Variants in SPOCK3 observed in about 807,000 individuals in gnomAD.
The protein encoded by SPOCK3 is SPARC (osteonectin), cwcv and kazal like domains proteoglycan 3, also known as testican-3.
A neutral mutation model predicts 56.6 loss-of-function variants in SPOCK3; 30 were observed. That is an observed-to-expected ratio of 0.53 (90% CI 0.40 to 0.72). The LOEUF (loss-of-function observed/expected upper bound fraction) is 0.72. SPOCK3 is among the 30% of genes least tolerant of loss of function. The pLI is 0.00. For synonymous variants in SPOCK3, 196 were observed against 183.3 expected, an observed-to-expected ratio of 1.07 and a Z score of -0.56; for missense variants, 527 against 530.0, an observed-to-expected ratio of 0.99 and a Z score of 0.06.
rs1224461088 is a variant in SPOCK3, at chr4:166,863,614, C to CA, written c.589+25515dup. ...GAATATTTACCAAGCAAATGGAAAG[C>CA]AAAAAAAAAGCAGGGGTTGCAATCC... On this transcript the variant is annotated intron_variant, in intron 6 of 10. Coordinates refer to ENST00000357545, the MANE Select transcript of SPOCK3 (RefSeq NM_001040159.2). 2.7e-3 allele frequency among the ~76,000 whole-genome samples: 401 copies of CA among 148,942 alleles called. 2 individuals carry two copies. Among genetic ancestry groups the CA allele is most frequent in the African/African-American group, 8.9e-3 (363 of 40,688 alleles).
At chr4:167,147,151 T>C (rs1764031384) in intron 2 of SPOCK3, among the ~76,000 whole-genome samples, 1 of 152,018 alleles carries the variant, frequency 6.6e-6, no homozygotes, top group African/African-American at 2.4e-5. Flanking sequence ...TCCACAGAAA[T>C]ACAAACTACC....
At chr4:166,951,846 A>C (rs1166844906) in intron 4 of SPOCK3, among the ~76,000 whole-genome samples, 1 of 152,082 alleles carries the variant, frequency 6.6e-6, no homozygotes, top group African/African-American at 2.4e-5. Context: ...TGATTATCTC[A>C]ATAGATGCAG....
intron 2 of SPOCK3, among the ~76,000 whole-genome samples, chr4:167,063,647 T>C (rs1302629288): frequency 6.6e-6 from 1 of 151,894 alleles, no homozygotes; most frequent in Non-Finnish European, 1.5e-5. Context: ...ATTGTTCCCA[T>C]TAAGTAATTT....
At chr4:166,851,812 A>G (rs982870410) in intron 6 of SPOCK3, among the ~76,000 whole-genome samples, 5 of 152,046 alleles carry the variant, frequency 3.3e-5, no homozygotes, top group Non-Finnish European at 5.9e-5. Flanking sequence ...TACCCAAAAG[A>G]CTATAAATCA....
intron 2 of SPOCK3, among the ~76,000 whole-genome samples, chr4:167,164,097 A>C (rs1320436937): frequency 6.6e-6 from 1 of 152,116 alleles, no homozygotes; most frequent in Non-Finnish European, 1.5e-5. Context: ...ACCCAGAAAA[A>C]ACAAAACTAT....
chr4:166,807,832 A>G (rs575525845), intron 6 of SPOCK3, among the ~76,000 whole-genome samples: 3 of 152,222 alleles, frequency 2.0e-5, no homozygotes, highest in Non-Finnish European at 4.4e-5. Context: ...TTTGAGTTAC[A>G]TAATATTTTC....
intron 2 of SPOCK3, among the ~76,000 whole-genome samples, chr4:167,073,383 T>G (rs1756876898): frequency 6.6e-6 from 1 of 151,772 alleles, no homozygotes; most frequent in African/African-American, 2.4e-5. Context: ...TAAATAACGG[T>G]CATCATAAAT....
At chr4:167,112,769 G>A (rs1471663465) in intron 2 of SPOCK3, among the ~76,000 whole-genome samples, 2 of 151,710 alleles carry the variant, frequency 1.3e-5, no homozygotes, top group South Asian at 2.1e-4. Context: ...AATACCATGG[G>A]GTGTCATCAA....
chr4:167,232,034 T>C (rs1737230179), intron 2 of SPOCK3, among the ~76,000 whole-genome samples: 2 of 143,952 alleles, frequency 1.4e-5, no homozygotes, highest in Admixed American at 7.0e-5. Flanking sequence ...ACTTTTTCCT[T>C]GAGATCCTAG....
rs759143314 is a variant in SPOCK3, at chr4:167,188,090, C to T, written c.189+45895G>A. ...AGAAAGAATATTGAGAAAAATCCCA[C>T]GATAATCCAGATAGTGCAAAGTAGT... is the stretch of plus-strand genomic sequence containing the variant. On this transcript the variant is annotated intron_variant, in intron 2 of 10. Transcript: ENST00000357545. 2.5e-4 allele frequency among the ~76,000 whole-genome samples: 29 copies of T among 117,708 alleles called. 3 individuals are homozygous for T. The highest frequency in any genetic ancestry group is 5.9e-4 in the African/African-American group (16 of 27,134). The allele number at this position is 117,708 out of a possible 152,430, so 77.2% of individuals were successfully genotyped here.
At chr4:166,981,766 G>A (rs139657817) in intron 4 of SPOCK3, among the ~76,000 whole-genome samples, 1 of 152,212 alleles carries the variant, frequency 6.6e-6, no homozygotes, top group African/African-American at 2.4e-5. Context: ...TGTCATCCAT[G>A]GCACCCTGGC....
At chr4:167,164,782 T>C (rs1490585139) in intron 2 of SPOCK3, among the ~76,000 whole-genome samples, 2 of 152,208 alleles carry the variant, frequency 1.3e-5, no homozygotes, top group African/African-American at 4.8e-5. Flanking sequence ...TCCTTTTTTA[T>C]GGCTACACAG....
chr4:167,053,451 C>T (rs956701727), intron 3 of SPOCK3, among the ~76,000 whole-genome samples: 2 of 152,036 alleles, frequency 1.3e-5, no homozygotes, highest in African/African-American at 4.8e-5. Context: ...CTTTGGGAGG[C>T]CGAGGGGCAG....
intron 3 of SPOCK3, among the ~76,000 whole-genome samples, chr4:167,052,068 T>A (rs1341299349): frequency 6.6e-6 from 1 of 152,184 alleles, no homozygotes; most frequent in Non-Finnish European, 1.5e-5. Context: ...ACCTTATGAA[T>A]TAAAAACACA....
intron 2 of SPOCK3, among the ~76,000 whole-genome samples, chr4:167,213,371 C>T (rs2111045468): frequency 6.6e-6 from 1 of 152,218 alleles, no homozygotes; most frequent in South Asian, 2.1e-4. Context: ...TAAATCTTTT[C>T]TGCTATTTGA....
At chr4:167,033,692 G>T (rs1752481331) in intron 3 of SPOCK3, among the ~76,000 whole-genome samples, 1 of 151,804 alleles carries the variant, frequency 6.6e-6, no homozygotes, top group Admixed American at 6.6e-5. Flanking sequence ...AGGATGCTCA[G>T]GGAATCTTCC....
chr4:166,940,833 T>C (rs1477120808), intron 4 of SPOCK3, among the ~76,000 whole-genome samples: 1 of 145,082 alleles, frequency 6.9e-6, no homozygotes, highest in Non-Finnish European at 1.5e-5. Flanking sequence ...TAGTGCTTAC[T>C]GGTAACTCCT....
At chr4:166,984,469 T>A (rs1354176910) in intron 4 of SPOCK3, among the ~76,000 whole-genome samples, 4 of 152,146 alleles carry the variant, frequency 2.6e-5, no homozygotes, top group Non-Finnish European at 1.5e-5. Flanking sequence ...CTTACTCTTT[T>A]AAGTGCTTTG....
intron 6 of SPOCK3, among the ~76,000 whole-genome samples, chr4:166,824,978 A>G (rs1431831888): frequency 6.6e-6 from 1 of 152,122 alleles, no homozygotes; most frequent in African/African-American, 2.4e-5. Flanking sequence ...CTCCCGTAAG[A>G]ATGGAATCAC....
Sources: allele counts gnomAD v4.1 joint callset (sites outside exome capture counted in the v4.1 genomes callset), GRCh38; gene constraint gnomAD v4.1.1; transcripts MANE v1.5; gene names NCBI Gene and HGNC (gene_info 2026-07-23, HGNC 2026-07-21).